Variants in MROH1 observed in about 807,000 individuals in gnomAD.
The protein encoded by MROH1 is maestro heat-like repeat-containing protein family member 1.
In MROH1, 117 loss-of-function variants were observed where a neutral mutation model predicts 116.5. The ratio of observed to expected loss-of-function variants is 1.00; its 90% confidence interval spans 0.86 to 1.17. The LOEUF is 1.17. MROH1 is among the 50% of genes most tolerant of loss of function. MROH1 has a pLI of 0.00. For missense variants in MROH1, 1,873 were observed against 1,338.5 expected (o/e 1.40, Z -6.23); for synonymous variants, 921 against 583.9 (o/e 1.58, Z -8.32).
At chr8:144,150,416 C>T (rs1419131972) in intron 1 of MROH1, among the ~76,000 whole-genome samples, 2 of 152,158 alleles carry the variant, frequency 1.3e-5, no homozygotes, top group Non-Finnish European at 2.9e-5. Flanking sequence ...CCATTATATA[C>T]ATGTGTGTGT....
chr8:144,197,732 G>C (rs1830258091), intron 10 of MROH1, among the ~76,000 whole-genome samples: 1 of 146,418 alleles, frequency 6.8e-6, no homozygotes. Context: ...ACTGCACCCA[G>C]CCAACTGCAG....
rs181732524 is a variant in MROH1, at chr8:144,160,586, A to C, written c.-176-384A>C. On this transcript the variant is annotated intron_variant, in intron 1 of 43. Transcript: ENST00000326134. ...GGGTCCCACCGGCTAGAACCCAGGC[A>C]CCAGACAAATTTATTACCATAAAGT... Among the ~76,000 whole-genome samples, 15 of 151,862 alleles carry C rather than the reference A, an allele frequency of 9.9e-5. No individual in the cohort carries two copies. The East Asian group carries it at 2.7e-3, about 27-fold the overall frequency.
Position 144,261,787 on chromosome 8 carries a change from C to A in MROH1, c.*47C>A. On this transcript the variant is annotated 3_prime_UTR_variant, in exon 44 of 44. Transcript: ENST00000326134. ...CGAGGAGTATGCACCCAGACCTGTGCCTGAGCTCCAAGACAGGGCCTCCTG... is the reference window on the plus strand; with the variant it reads ...CGAGGAGTATGCACCCAGACCTGTGACTGAGCTCCAAGACAGGGCCTCCTG... 9 of 700,344 alleles carry A rather than the reference C, an allele frequency of 1.3e-5. No individual in the cohort carries two copies. In the South Asian group the frequency reaches 1.3e-4, roughly 10 times the overall value. 43.4% of individuals were successfully genotyped at this position (700,344 alleles called of 1,614,324 possible). A position where few individuals can be genotyped will look rare whatever the true frequency, so the allele number is the denominator to read the frequency against.
In MROH1 at chr8:144,191,909, C is replaced by T. The variant is rs534504617; in HGVS notation, c.855+54C>T. ...CCCCGAGGACCCCTCCAATCAGACT[C>T]CCCGGGGGTGGCCGTGAGTCCTCGG... On this transcript the variant is annotated intron_variant, in intron 9 of 43. Transcript: ENST00000326134. 9 of 1,603,048 alleles carry T rather than the reference C, an allele frequency of 5.6e-6. No individual in the cohort carries two copies. In the East Asian group the frequency reaches 2.0e-4, roughly 36 times the overall value.
chr8:144,168,437 C>T lies in MROH1; in HGVS notation c.165C>T (p.Asp55=), dbSNP rs376945639. 3.1e-6 allele frequency: 5 copies of T among 1,605,586 alleles called. No homozygotes were observed. In the African/African-American group the frequency reaches 6.7e-5, roughly 21 times the overall value. The change falls in exon 4 of 44, where the codon GAC becomes GAT. Residue 55 remains aspartate, a synonymous_variant. Transcript: ENST00000326134. ...GCGAGGAGTATCTGCGGCAGCATGA[C>T]AAGGTATGTGTGCTCCTTGGTGGGG... The part of the protein sequence containing the change: ...RACEEYLRQH[D]KLAHPYRAAV...
Position 144,247,560 on chromosome 8 carries a change from C to T in MROH1, c.3008-7C>T. The T allele has an allele frequency of 1.3e-6, 1 of 773,124 alleles. No homozygotes were observed. The allele number at this position is 773,124 out of a possible 1,614,324, so 47.9% of individuals were successfully genotyped here. A position where few individuals can be genotyped will look rare whatever the true frequency, so the allele number is the denominator to read the frequency against. ...GGGCCCGACTGCTCATTCCTGCCGC[C>T]TCTCAGGCTTCTCCCGGGACTACCG... On this transcript the variant is annotated splice_region_variant and splice_polypyrimidine_tract_variant and intron_variant, in intron 30 of 43. Coordinates refer to ENST00000326134, the MANE Select transcript of MROH1 (RefSeq NM_032450.3).
At chr8:144,160,016 G>A (rs551057836) in intron 1 of MROH1, among the ~76,000 whole-genome samples, 3 of 152,182 alleles carry the variant, frequency 2.0e-5, no homozygotes, top group Admixed American at 6.5e-5. Context: ...TGATCCACCC[G>A]CCTCGGCCTC....
At position 144,152,337 on chromosome 8, in the gene MROH1, C is replaced by T. The variant is rs1003561357; in HGVS notation, c.-177+4261C>T. On this transcript the variant is annotated intron_variant, in intron 1 of 43. Coordinates refer to ENST00000326134, the MANE Select transcript of MROH1 (RefSeq NM_032450.3). The stretch of plus-strand genomic sequence containing the variant: ...ATGTTAATATCAGGCAAGTCATTTT[C>T]TCATATATATTATGATTGGTTTATC... 6.6e-5 allele frequency among the ~76,000 whole-genome samples: 10 copies of T among 152,030 alleles called. No individual in the cohort carries two copies. In the East Asian group the frequency reaches 1.9e-3, roughly 29 times the overall value.
At chr8:144,156,004 C>G (rs1223068843) in intron 1 of MROH1, among the ~76,000 whole-genome samples, 1 of 151,730 alleles carries the variant, frequency 6.6e-6, no homozygotes, top group Non-Finnish European at 1.5e-5. Context: ...GTTGGGAGGC[C>G]GAGGCGGGTG....
At chr8:144,162,007 G>A (rs966881010) in intron 2 of MROH1, among the ~76,000 whole-genome samples, 1 of 152,172 alleles carries the variant, frequency 6.6e-6, no homozygotes, top group Non-Finnish European at 1.5e-5. Context: ...CCCTGCCTGG[G>A]AGCCACTGCC....
intron 32 of MROH1, 77 bp from the exon 33 acceptor site, chr8:144,250,135 C>A: frequency 2.8e-6 from 2 of 718,040 alleles, no homozygotes; most frequent in Non-Finnish European, 5.1e-6. Context: ...CATGGCCCCA[C>A]CCCCTTGGGC....
chr8:144,181,278 A>AGTGATGGGGGAGGGGCCTG (rs1554792509), intron 7 of MROH1, among the ~76,000 whole-genome samples: 15 of 95,788 alleles, frequency 1.6e-4, no homozygotes, highest in Admixed American at 9.2e-4. Context: ...GGGAGGACCC[A>AGTGATGGGGGAGGGGCCTG]GTGATGGGGG....
intron 4 of MROH1, among the ~76,000 whole-genome samples, chr8:144,179,018 C>T (rs1824841349): frequency 6.6e-6 from 1 of 151,902 alleles, no homozygotes; most frequent in Non-Finnish European, 1.5e-5. Flanking sequence ...TTTTCCTTAG[C>T]AGCCTTGGGG....
chr8:144,256,566 T>C (rs1181908897), intron 35 of MROH1, among the ~76,000 whole-genome samples: 7 of 152,304 alleles, frequency 4.6e-5, no homozygotes, highest in African/African-American at 1.4e-4. Context: ...AAAATGTGAA[T>C]GGGATGGGGC....
At chr8:144,168,529 G>C (rs868599769) in intron 4 of MROH1, 89 bp downstream of exon 4, 1 of 1,483,228 alleles carries the variant, frequency 6.7e-7, no homozygotes, top group Non-Finnish European at 9.1e-7. Flanking sequence ...CCAGCCAGGA[G>C]CAGTGGGTCG....
chr8:144,199,020 C>G, intron 10 of MROH1, 102 bp from the exon 11 acceptor site: 1 of 1,121,524 alleles, frequency 8.9e-7, no homozygotes, highest in Non-Finnish European at 1.3e-6. Context: ...GGTGGAAACC[C>G]AGAGCCTTCT....
intron 7 of MROH1, among the ~76,000 whole-genome samples, chr8:144,188,124 C>CA (rs1408014367): frequency 5.3e-5 from 8 of 152,014 alleles, no homozygotes; most frequent in East Asian, 3.9e-4. Context: ...TCTTAAGATA[C>CA]AAAAAAGTAT....
chr8:144,224,658 C>A (rs1276486781), intron 14 of MROH1, among the ~76,000 whole-genome samples: 1 of 152,210 alleles, frequency 6.6e-6, no homozygotes. Context: ...GTGTATCGAC[C>A]TTTCTACTTT....
intron 19 of MROH1, 37 bp from the exon 20 acceptor site, chr8:144,240,533 C>A: frequency 1.4e-6 from 1 of 714,098 alleles, no homozygotes; most frequent in Admixed American, 2.0e-5. Context: ...TGTGAGGGGT[C>A]GGGCTCCCAG....
Sources: gnomAD v4.1 joint callset for allele counts (sites outside exome capture counted in the v4.1 genomes callset) on GRCh38, gnomAD v4.1.1 for gene constraint, MANE v1.5 for transcripts, NCBI Gene and HGNC (gene_info 2026-07-23, HGNC 2026-07-21) for gene names.